The following NAALADL2 variants were observed in gnomAD, a reference collection of about 807,000 sequenced individuals.
The protein encoded by NAALADL2 is inactive N-acetylated-alpha-linked acidic dipeptidase-like protein 2.
A neutral mutation model predicts 87.2 loss-of-function variants in NAALADL2; 76 were observed. The observed-to-expected ratio is 0.87, with a 90% CI of 0.72 to 1.05. The LOEUF is 1.05. NAALADL2 is among the 50% of genes least tolerant of loss of function. The pLI, the probability that NAALADL2 is intolerant of heterozygous loss-of-function variation, is 0.00. For synonymous variants in NAALADL2, 354 were observed against 331.0 expected (o/e 1.07, Z -0.75); for missense variants, 1,089 against 945.8 (o/e 1.15, Z -1.99).
intron 2 of NAALADL2, among the ~76,000 whole-genome samples, chr3:175,114,080 T>C (rs992763812): frequency 1.3e-5 from 2 of 151,530 alleles, no homozygotes; most frequent in Non-Finnish European, 3.0e-5. Context: ...TGTTAGGAAG[T>C]AGGAGTGGAG....
intron 13 of NAALADL2, among the ~76,000 whole-genome samples, chr3:175,759,028 A>G (rs781102724): frequency 6.6e-6 from 1 of 152,200 alleles, no homozygotes; most frequent in South Asian, 2.1e-4. Context: ...ACACTGGAAT[A>G]TATTATTTTT....
intron 3 of NAALADL2, among the ~76,000 whole-genome samples, chr3:175,251,913 A>G (rs1456768656): frequency 6.6e-6 from 1 of 152,232 alleles, no homozygotes; most frequent in African/African-American, 2.4e-5. Flanking sequence ...AATTGATACA[A>G]CGTTGTCTGT....
intron 1 of NAALADL2, among the ~76,000 whole-genome samples, chr3:174,546,020 G>C (rs556181808): frequency 6.7e-6 from 1 of 150,024 alleles, no homozygotes; most frequent in East Asian, 2.0e-4. Flanking sequence ...TCTTTTTCAT[G>C]TTGAGGCATT....
At chr3:175,334,530 G>A (rs775806431) in intron 5 of NAALADL2, among the ~76,000 whole-genome samples, 20 of 151,956 alleles carry the variant, frequency 1.3e-4, no homozygotes, top group Non-Finnish European at 2.5e-4. Context: ...TCTATTCTGT[G>A]TTTCTTTTGG....
intron 9 of NAALADL2, among the ~76,000 whole-genome samples, chr3:175,566,404 A>T (rs1408042492): frequency 6.6e-6 from 1 of 152,162 alleles, no homozygotes; most frequent in Admixed American, 6.5e-5. Context: ...TAATGTTTGA[A>T]ACACAAATGA....
At chr3:175,327,376 C>G (rs577199683) in intron 5 of NAALADL2, among the ~76,000 whole-genome samples, 5 of 152,010 alleles carry the variant, frequency 3.3e-5, no homozygotes, top group African/African-American at 1.2e-4. Flanking sequence ...ATAATAGTCT[C>G]GATCTCTTGA....
intron 3 of NAALADL2, among the ~76,000 whole-genome samples, chr3:175,247,492 A>C (rs1008298715): frequency 2.0e-5 from 3 of 152,180 alleles, no homozygotes; most frequent in Non-Finnish European, 4.4e-5. Context: ...TAATGAGTCA[A>C]ATGAATCCGG....
intron 6 of NAALADL2, among the ~76,000 whole-genome samples, chr3:175,452,366 C>T (rs777379875): frequency 6.6e-6 from 1 of 151,928 alleles, no homozygotes; most frequent in African/African-American, 2.4e-5. Context: ...AAATGACAAA[C>T]CTTTTTGGCC....
chr3:174,800,255 T>G (rs1050643800), intron 3 of NAALADL2, among the ~76,000 whole-genome samples: 3 of 151,866 alleles, frequency 2.0e-5, no homozygotes, highest in Admixed American at 1.3e-4. Flanking sequence ...TCCTGAGACC[T>G]GGAAGAAAAA....
chr3:174,772,024 G>C (rs1223166140), intron 3 of NAALADL2, among the ~76,000 whole-genome samples: 1 of 151,956 alleles, frequency 6.6e-6, no homozygotes, highest in Non-Finnish European at 1.5e-5. Flanking sequence ...TCCCTAAAAA[G>C]CTTATTGCTT....
At chr3:174,940,524 T>C (rs1441871475) in intron 1 of NAALADL2, among the ~76,000 whole-genome samples, 2 of 152,152 alleles carry the variant, frequency 1.3e-5, no homozygotes, top group East Asian at 3.9e-4. Flanking sequence ...GCTGGCCTCA[T>C]AGACTGAGTT....
chr3:175,676,004 A>T (rs552521307), intron 11 of NAALADL2: 1 of 152,256 alleles, frequency 6.6e-6, no homozygotes, highest in South Asian at 2.1e-4. Context: ...GCTAAGTTAC[A>T]CTTTAGAGTG....
intron 3 of NAALADL2, among the ~76,000 whole-genome samples, chr3:174,745,478 G>C (rs1560189835): frequency 6.6e-6 from 1 of 152,152 alleles, no homozygotes; most frequent in Non-Finnish European, 1.5e-5. Flanking sequence ...TCTGGGGCCA[G>C]ATGGATTTAC....
rs1398396262 is a variant in NAALADL2, at chr3:175,698,483, T to TTTTATATATATA, written c.1897-38822_1897-38821insTTATATATATAT. On this transcript the variant is annotated intron_variant, in intron 11 of 13. Transcript: ENST00000454872. ...TGTGTATATATGTGTGTATATATAT[T>TTTTATATATATA]TATATATATATATATATATAAAATC... Among the ~76,000 whole-genome samples, 49 of 67,736 alleles carry TTTTATATATATA rather than the reference T, an allele frequency of 7.2e-4. 8 individuals carry two copies. The highest frequency in any genetic ancestry group is 4.1e-3 in the African/African-American group (45 of 11,054). 44.4% of individuals were successfully genotyped at this position (67,736 alleles called of 152,430 possible).
intron 3 of NAALADL2, among the ~76,000 whole-genome samples, chr3:174,843,347 A>G (rs900291074): frequency 6.6e-6 from 1 of 151,672 alleles, no homozygotes; most frequent in Non-Finnish European, 1.5e-5. Context: ...TAGTGAGATC[A>G]TGGAGTATTT....
chr3:175,162,979 T>C (rs1192676518), intron 2 of NAALADL2, among the ~76,000 whole-genome samples: 1 of 152,162 alleles, frequency 6.6e-6, no homozygotes, highest in East Asian at 1.9e-4. Flanking sequence ...TTACATAGCC[T>C]GGAACTAATC....
At chr3:175,660,698 A>G (rs911489345) in intron 11 of NAALADL2, among the ~76,000 whole-genome samples, 4 of 151,978 alleles carry the variant, frequency 2.6e-5, no homozygotes, top group African/African-American at 9.7e-5. Context: ...CCACCATCCT[A>G]TGCTCTACCT....
chr3:175,585,222 C>A (rs889954269), intron 10 of NAALADL2, among the ~76,000 whole-genome samples: 7 of 151,948 alleles, frequency 4.6e-5, no homozygotes, highest in Admixed American at 4.6e-4. Flanking sequence ...GAGGCCTCCA[C>A]AGCATTAGGA....
intron 6 of NAALADL2, among the ~76,000 whole-genome samples, chr3:175,450,805 A>T (rs1721449805): frequency 6.6e-6 from 1 of 152,194 alleles, no homozygotes; most frequent in Non-Finnish European, 1.5e-5. Flanking sequence ...TTGAGAAAGC[A>T]AGTGTAGTTC....
Sources: allele counts gnomAD v4.1 joint callset (sites outside exome capture counted in the v4.1 genomes callset), GRCh38; gene constraint gnomAD v4.1.1; transcripts MANE v1.5; gene names NCBI Gene and HGNC (gene_info 2026-07-23, HGNC 2026-07-21).